MB21D2: variants seen among roughly 807,000 people sequenced by gnomAD.
MB21D2 encodes the protein nucleotidyltransferase MB21D2.
In MB21D2, 9 loss-of-function variants were observed where a neutral mutation model predicts 33.3. The observed-to-expected ratio is 0.27, with a 90% CI of 0.16 to 0.47. The LOEUF (loss-of-function observed/expected upper bound fraction) is 0.47, where lower values mean the gene tolerates loss of function less well. MB21D2 is among the 20% of genes least tolerant of loss of function. The pLI, the probability that MB21D2 is intolerant of heterozygous loss-of-function variation, is 0.99. For missense variants in MB21D2, 540 were observed against 624.6 expected (o/e 0.86, Z 1.44); for synonymous variants, 241 against 236.3 (o/e 1.02, Z -0.18).
At chr3:192,812,660 G>A (rs1307991539) in intron 1 of MB21D2, among the ~76,000 whole-genome samples, 1 of 152,122 alleles carries the variant, frequency 6.6e-6, no homozygotes, top group Non-Finnish European at 1.5e-5. Context: ...CTAGGGGCTT[G>A]TTCATGAACT....
chr3:192,822,607 G>A (rs1057033050), intron 1 of MB21D2, among the ~76,000 whole-genome samples: 1 of 152,224 alleles, frequency 6.6e-6, no homozygotes, highest in Non-Finnish European at 1.5e-5. Flanking sequence ...TATTCCCGAT[G>A]AGCCAGTGAT....
At chr3:192,878,704 C>T (rs552603853) in intron 1 of MB21D2, among the ~76,000 whole-genome samples, 1 of 152,334 alleles carries the variant, frequency 6.6e-6, no homozygotes, top group Non-Finnish European at 1.5e-5. Context: ...TGGCTCATGG[C>T]TATAATCCCA....
intron 1 of MB21D2, among the ~76,000 whole-genome samples, chr3:192,863,756 A>G (rs996890508): frequency 8.5e-5 from 13 of 152,102 alleles, no homozygotes; most frequent in African/African-American, 2.9e-4. Flanking sequence ...CATGAATGGG[A>G]TTTCTGCACT....
chr3:192,883,028 C>T (rs181485164), intron 1 of MB21D2, among the ~76,000 whole-genome samples: 132 of 152,100 alleles, frequency 8.7e-4, no homozygotes, highest in African/African-American at 2.6e-3. Flanking sequence ...CCACCACGCC[C>T]GGCTAATTTT....
chr3:192,917,157 G>A (rs1036158131), intron 1 of MB21D2, among the ~76,000 whole-genome samples: 5 of 152,180 alleles, frequency 3.3e-5, no homozygotes, highest in East Asian at 1.9e-4. Context: ...TGTCGCTCGG[G>A]CGCCAAGCCA....
chr3:192,889,417 T>G lies in MB21D2; in HGVS notation c.211+28213A>C, dbSNP rs533736687. ...GAAAAGAATTCAATGGGCTGCTTAT[T>G]ACAGGAAGTTGATTTGCTCTGAAGC... On this transcript the variant is annotated intron_variant, in intron 1 of 1. Coordinates refer to ENST00000392452, the MANE Select transcript of MB21D2 (RefSeq NM_178496.4). Among the ~76,000 whole-genome samples, 43 of 152,260 alleles carry G rather than the reference T, an allele frequency of 2.8e-4. 2 individuals carry two copies. The South Asian group carries it at 8.9e-3, about 32-fold the overall frequency.
chr3:192,810,904 C>T lies in MB21D2; in HGVS notation c.212-11254G>A, dbSNP rs532376719. Among the ~76,000 whole-genome samples the T allele has an allele frequency of 1.2e-4, 19 of 152,310 alleles. No individual in the cohort carries two copies. The East Asian group carries it at 1.9e-3, about 15-fold the overall frequency. ...GCTTGTGTGTGTGTGTGTGTGCGCA[C>T]GCACATGTGCGTATGACTTTGTTGA... is the stretch of plus-strand genomic sequence containing the variant. On this transcript the variant is annotated intron_variant, in intron 1 of 1. Transcript: ENST00000392452.
chr3:192,814,784 G>A (rs1005424374), intron 1 of MB21D2, among the ~76,000 whole-genome samples: 1 of 150,974 alleles, frequency 6.6e-6, no homozygotes, highest in South Asian at 2.1e-4. Context: ...AGAATGGCGT[G>A]AACCCAGGAG....
chr3:192,888,185 T>A lies in MB21D2; in HGVS notation c.211+29445A>T, dbSNP rs374883836. On this transcript the variant is annotated intron_variant, in intron 1 of 1. Transcript: ENST00000392452. ...GCATCATACAAAAACCTCCTAGCAA[T>A]CAGCTTTATTCCAGCCTTACACTTA... 2.0e-5 allele frequency among the ~76,000 whole-genome samples: 3 copies of A among 151,996 alleles called. No individual in the cohort carries two copies. The East Asian group carries it at 5.8e-4, about 29-fold the overall frequency.
At chr3:192,846,229 T>A (rs186519555) in intron 1 of MB21D2, among the ~76,000 whole-genome samples, 4 of 152,296 alleles carry the variant, frequency 2.6e-5, no homozygotes, top group Admixed American at 6.5e-5. Context: ...ACATAGTGTA[T>A]CTTATTAATC....
intron 1 of MB21D2, among the ~76,000 whole-genome samples, chr3:192,906,338 C>CA (rs1714215019): frequency 6.6e-6 from 1 of 152,188 alleles, no homozygotes; most frequent in African/African-American, 2.4e-5. Context: ...CCTTTACCCA[C>CA]AAAAAGCAGC....
At chr3:192,902,266 G>T (rs1291110443) in intron 1 of MB21D2, among the ~76,000 whole-genome samples, 2 of 152,102 alleles carry the variant, frequency 1.3e-5, no homozygotes, top group Non-Finnish European at 1.5e-5. Context: ...TCAGTGTGTG[G>T]CACCACCCCA....
rs368786365 is a variant in MB21D2, at chr3:192,872,347, C to T, written c.211+45283G>A. 3.3e-5 allele frequency among the ~76,000 whole-genome samples: 5 copies of T among 152,158 alleles called. No individual in the cohort carries two copies. In the East Asian group the frequency reaches 5.8e-4, roughly 18 times the overall value. ...ATCCCAGCACTTTGGGAGGCCGAGG[C>T]GGGCAGATCACGAGGTCAGGAGATC... is the stretch of plus-strand genomic sequence containing the variant. On this transcript the variant is annotated intron_variant, in intron 1 of 1. Transcript: ENST00000392452.
chr3:192,914,345 G>C (rs537489820), intron 1 of MB21D2, among the ~76,000 whole-genome samples: 1 of 152,228 alleles, frequency 6.6e-6, no homozygotes, highest in African/African-American at 2.4e-5. Flanking sequence ...CCATGGTACC[G>C]ACCACTTGGT....
At chr3:192,905,040 C>A (rs572358451) in intron 1 of MB21D2, among the ~76,000 whole-genome samples, 1 of 152,324 alleles carries the variant, frequency 6.6e-6, no homozygotes, top group East Asian at 1.9e-4. Flanking sequence ...GTTGAAAGAA[C>A]AAACTGTTGA....
At chr3:192,826,305 G>A (rs960793483) in intron 1 of MB21D2, among the ~76,000 whole-genome samples, 5 of 152,216 alleles carry the variant, frequency 3.3e-5, no homozygotes, top group African/African-American at 1.2e-4. Flanking sequence ...AGGAAGGTAA[G>A]TTTAACTGGC....
intron 1 of MB21D2, among the ~76,000 whole-genome samples, chr3:192,857,872 C>A (rs9846482): frequency 0.066 from 10,052 of 152,170 alleles, 772 homozygotes; most frequent in African/African-American, 0.17. Context: ...CACCTGTAAT[C>A]CCAGCACTTT....
At chr3:192,826,027 A>G (rs1172355282) in intron 1 of MB21D2, among the ~76,000 whole-genome samples, 4 of 152,174 alleles carry the variant, frequency 2.6e-5, no homozygotes, top group Non-Finnish European at 4.4e-5. Flanking sequence ...GTGCTGGGAA[A>G]CTGTCTACAG....
chr3:192,917,557 G>T (rs1042740419), intron 1 of MB21D2, 73 bp downstream of exon 1: 1 of 1,523,858 alleles, frequency 6.6e-7, no homozygotes, highest in Non-Finnish European at 9.0e-7. Flanking sequence ...GTCGAGAAGC[G>T]GCAATGGGTT....
Sources: gnomAD v4.1 joint callset for allele counts (sites outside exome capture counted in the v4.1 genomes callset) on GRCh38, gnomAD v4.1.1 for gene constraint, MANE v1.5 for transcripts, NCBI Gene and HGNC (gene_info 2026-07-23, HGNC 2026-07-21) for gene names.